The following RGS6 variants were observed in gnomAD, a reference collection of about 807,000 sequenced individuals.
The protein encoded by RGS6 is regulator of G protein signaling 6.
RGS6 carries 30 observed loss-of-function variants against 78.5 expected under a neutral mutation model. The observed-to-expected ratio is 0.38, with a 90% CI of 0.29 to 0.52. RGS6 has a LOEUF of 0.52. Among genes scored for constraint, RGS6 ranks in the 20% least tolerant of loss-of-function variants. The pLI is 0.85. For missense variants in RGS6, 495 were observed against 609.7 expected (o/e 0.81, Z 1.98); for synonymous variants, 206 against 206.0 (o/e 1.00, Z 0.00).
rs889731849 is a variant in RGS6 at position 72,119,193 on chromosome 14, C to G, written c.84+154318C>G. On this transcript the variant is annotated intron_variant, in intron 2 of 17. Coordinates refer to ENST00000553525, the MANE Select transcript of RGS6 (RefSeq NM_001204424.2). ...GGAAGGGAAGGAATAACATCTGAAG[C>G]TAAGGAAGGAAACTTTTGGGCTGGA... Among the ~76,000 whole-genome samples the G allele has an allele frequency of 1.3e-5, 2 of 152,088 alleles. 1 individual carries two copies. The highest frequency in any genetic ancestry group is 4.1e-4 in the South Asian group (2 of 4,822).
chr14:72,354,733 G>A (rs915658239), intron 3 of RGS6, among the ~76,000 whole-genome samples: 2 of 152,072 alleles, frequency 1.3e-5, no homozygotes, highest in Non-Finnish European at 1.5e-5. Context: ...GACTCCTAAT[G>A]CCATCATGTT....
chr14:72,027,762 A>G (rs1194287558), intron 2 of RGS6, among the ~76,000 whole-genome samples: 2 of 152,162 alleles, frequency 1.3e-5, no homozygotes, highest in Non-Finnish European at 2.9e-5. Context: ...TAGTCATTAC[A>G]TGTAAAGCTT....
intron 3 of RGS6, among the ~76,000 whole-genome samples, chr14:72,440,853 G>T (rs1394569768): frequency 6.6e-6 from 1 of 152,202 alleles, no homozygotes; most frequent in African/African-American, 2.4e-5. Context: ...GTGCATGAGT[G>T]TGAGTTGCGG....
At chr14:72,270,738 T>C (rs2059811388) in intron 2 of RGS6, among the ~76,000 whole-genome samples, 1 of 152,230 alleles carries the variant, frequency 6.6e-6, no homozygotes, top group Non-Finnish European at 1.5e-5. Flanking sequence ...TTAAAGAATT[T>C]TATAATACAT....
chr14:72,577,983 G>A, the RGS6 span, among the ~76,000 whole-genome samples: 1 of 152,196 alleles, frequency 6.6e-6, no homozygotes, highest in African/African-American at 2.4e-5. Flanking sequence ...CTGGGGAATT[G>A]GTCCAGGATA....
At chr14:72,093,994 A>T (rs2095343736) in intron 2 of RGS6, among the ~76,000 whole-genome samples, 2 of 152,286 alleles carry the variant, frequency 1.3e-5, no homozygotes, top group South Asian at 2.1e-4. Flanking sequence ...AAAGATATGT[A>T]TGTACTATAC....
At chr14:72,586,603 C>G in the RGS6 span, among the ~76,000 whole-genome samples, 3 of 152,148 alleles carry the variant, frequency 2.0e-5, no homozygotes, top group Non-Finnish European at 4.4e-5. Context: ...ACACAGGGCA[C>G]TTTGGTCAGA....
rs184924878 is a variant in RGS6, at chr14:72,076,952, T to A, written c.84+112077T>A. 3.8e-3 allele frequency among the ~76,000 whole-genome samples: 547 copies of A among 145,464 alleles called. 2 individuals are homozygous for A. Among genetic ancestry groups the A allele is most frequent in the African/African-American group, 8.8e-3 (344 of 39,276 alleles). On this transcript the variant is annotated intron_variant, in intron 2 of 17. Transcript: ENST00000553525. ...CAAATTATACATATACAGCCAAATT[T>A]TATATATATATATATATAAATGTTA...
chr14:72,026,308 G>A (rs945386945), intron 2 of RGS6, among the ~76,000 whole-genome samples: 4 of 152,150 alleles, frequency 2.6e-5, no homozygotes, highest in African/African-American at 9.7e-5. Context: ...TGAGGAGGCT[G>A]AGGCAGAAGA....
chr14:72,035,168 A>G (rs1262953162), intron 2 of RGS6, among the ~76,000 whole-genome samples: 1 of 152,146 alleles, frequency 6.6e-6, no homozygotes, highest in African/African-American at 2.4e-5. Flanking sequence ...CCCATGTATA[A>G]GGGGGAACTG....
intron 2 of RGS6, among the ~76,000 whole-genome samples, chr14:72,233,996 G>A (rs1293410351): frequency 1.3e-5 from 2 of 152,120 alleles, no homozygotes; most frequent in Non-Finnish European, 2.9e-5. Context: ...GCTTAGCACT[G>A]GTTAAGGGAA....
At chr14:71,873,147 G>T in the RGS6 span, among the ~76,000 whole-genome samples, 2 of 152,130 alleles carry the variant, frequency 1.3e-5, no homozygotes, top group African/African-American at 4.8e-5. Flanking sequence ...AATCCTTTGG[G>T]TATATATCCA....
At chr14:72,619,537 C>A in the RGS6 span, among the ~76,000 whole-genome samples, 14 of 152,322 alleles carry the variant, frequency 9.2e-5, no homozygotes, top group African/African-American at 3.4e-4. Flanking sequence ...AAAGCAGGTG[C>A]TCAGAGGAGA....
chr14:72,403,713 A>G (rs765868429), intron 3 of RGS6, among the ~76,000 whole-genome samples: 12 of 152,220 alleles, frequency 7.9e-5, no homozygotes, highest in Non-Finnish European at 1.8e-4. Flanking sequence ...CCCTATAAAG[A>G]TGTATAATTA....
intron 3 of RGS6, among the ~76,000 whole-genome samples, chr14:72,429,910 A>G (rs2094560598): frequency 6.6e-6 from 1 of 152,168 alleles, no homozygotes; most frequent in African/African-American, 2.4e-5. Flanking sequence ...GGTTTTACAA[A>G]GGGCTCTTCC....
chr14:72,357,920 A>G (rs2080676832), intron 3 of RGS6, among the ~76,000 whole-genome samples: 1 of 152,172 alleles, frequency 6.6e-6, no homozygotes, highest in Admixed American at 6.5e-5. Flanking sequence ...GAGACCTAAG[A>G]GGAAAAAATG....
intron 6 of RGS6, among the ~76,000 whole-genome samples, chr14:72,464,087 G>T (rs1029725797): frequency 6.6e-6 from 1 of 152,088 alleles, no homozygotes; most frequent in Non-Finnish European, 1.5e-5. Flanking sequence ...ACCCTGTTTT[G>T]GTATCTTTAA....
At chr14:71,874,375 T>C in the RGS6 span, among the ~76,000 whole-genome samples, 1 of 152,096 alleles carries the variant, frequency 6.6e-6, no homozygotes, top group Non-Finnish European at 1.5e-5. Flanking sequence ...GTAAGTTGGA[T>C]TCCTAGGTAT....
At chr14:72,220,135 G>A (rs191204358) in intron 2 of RGS6, among the ~76,000 whole-genome samples, 3 of 152,206 alleles carry the variant, frequency 2.0e-5, no homozygotes, top group East Asian at 1.9e-4. Flanking sequence ...ATTCATAATC[G>A]CTACAAAAAG....
Sources: gnomAD v4.1 joint callset for allele counts (sites outside exome capture counted in the v4.1 genomes callset) on GRCh38, gnomAD v4.1.1 for gene constraint, MANE v1.5 for transcripts, NCBI Gene and HGNC (gene_info 2026-07-23, HGNC 2026-07-21) for gene names.